The following TMEM232 variants were observed in gnomAD, a reference collection of about 807,000 sequenced individuals.
TMEM232 encodes transmembrane protein 232.
A neutral mutation model predicts 78.8 loss-of-function variants in TMEM232; 80 were observed. The ratio of observed to expected loss-of-function variants is 1.01; its 90% CI spans 0.85 to 1.22. The LOEUF (loss-of-function observed/expected upper bound fraction) is 1.22, where lower values mean the gene tolerates loss of function less well. TMEM232 is among the 50% of genes most tolerant of loss of function. The pLI is 0.00. For synonymous variants in TMEM232, 297 were observed against 254.3 expected, an observed-to-expected ratio of 1.17 and a Z score of -1.60; for missense variants, 881 against 742.2, an observed-to-expected ratio of 1.19 and a Z score of -2.17.
chr5:110,593,774 T>C (rs1433968346), intron 10 of TMEM232, among the ~76,000 whole-genome samples: 1 of 152,154 alleles, frequency 6.6e-6, no homozygotes, highest in African/African-American at 2.4e-5. Flanking sequence ...AGAGTGCCTA[T>C]AGTCAATAAT....
At chr5:110,639,492 T>C (rs1436915054) in intron 4 of TMEM232, among the ~76,000 whole-genome samples, 2 of 152,198 alleles carry the variant, frequency 1.3e-5, no homozygotes, top group East Asian at 3.9e-4. Context: ...ATTTCTTTCA[T>C]CTTCTAGTTC....
chr5:110,738,010 T>C, exon 1 of TMEM232: 1 of 223,846 alleles, frequency 4.5e-6, no homozygotes, highest in Admixed American at 5.5e-5. Flanking sequence ...CCATAAAAAA[T>C]AAAAAGTGAT....
intron 12 of TMEM232, among the ~76,000 whole-genome samples, chr5:110,470,283 G>C (rs1338270799): frequency 6.6e-6 from 1 of 152,092 alleles, no homozygotes; most frequent in African/African-American, 2.4e-5. Flanking sequence ...TGTTCCCTGG[G>C]CACAAGCGCT....
chr5:110,513,652 T>C (rs928427646), intron 12 of TMEM232, among the ~76,000 whole-genome samples: 1 of 152,076 alleles, frequency 6.6e-6, no homozygotes, highest in Non-Finnish European at 1.5e-5. Flanking sequence ...AACTCATACT[T>C]GTCAAGATGC....
intron 11 of TMEM232, among the ~76,000 whole-genome samples, chr5:110,546,956 C>CAA (rs201099717): frequency 3.5e-5 from 5 of 143,084 alleles, no homozygotes; most frequent in African/African-American, 1.3e-4. Flanking sequence ...ACGATACTAC[C>CAA]AAAAAAAAAG....
At chr5:110,679,427 C>G (rs1014364234) in intron 1 of TMEM232, among the ~76,000 whole-genome samples, 3 of 152,054 alleles carry the variant, frequency 2.0e-5, no homozygotes, top group African/African-American at 7.2e-5. Context: ...TGAATAACAT[C>G]TTTTATCGAA....
intron 12 of TMEM232, among the ~76,000 whole-genome samples, chr5:110,524,632 G>A (rs1770298580): frequency 4.6e-5 from 7 of 152,114 alleles, no homozygotes; most frequent in Admixed American, 3.9e-4. Flanking sequence ...CTGTTGGGTC[G>A]AAGGAATATC....
intron 1 of TMEM232, among the ~76,000 whole-genome samples, chr5:110,706,070 T>C (rs1033055199): frequency 5.3e-5 from 8 of 151,936 alleles, no homozygotes; most frequent in African/African-American, 1.9e-4. Flanking sequence ...AGGAAAAAAA[T>C]AACACTTATA....
chr5:110,499,548 G>C (rs1053867598), intron 12 of TMEM232, among the ~76,000 whole-genome samples: 2 of 151,762 alleles, frequency 1.3e-5, no homozygotes, highest in Non-Finnish European at 2.9e-5. Context: ...GAGCCATCAC[G>C]CCTGGCCAAG....
chr5:110,487,082 A>C (rs988214368), intron 12 of TMEM232, among the ~76,000 whole-genome samples: 8 of 151,914 alleles, frequency 5.3e-5, no homozygotes, highest in Admixed American at 5.3e-4. Flanking sequence ...ATTGTAAAGA[A>C]GACTGAGTTC....
At chr5:110,581,161 C>T (rs1778163704) in intron 10 of TMEM232, among the ~76,000 whole-genome samples, 1 of 151,256 alleles carries the variant, frequency 6.6e-6, no homozygotes, top group African/African-American at 2.4e-5. Flanking sequence ...AGAAAAAAAA[C>T]ACAATTCTAA....
chr5:110,679,188 G>A (rs116714807), intron 1 of TMEM232, among the ~76,000 whole-genome samples: 4 of 152,124 alleles, frequency 2.6e-5, no homozygotes, highest in Non-Finnish European at 4.4e-5. Flanking sequence ...TTGCCCGGAC[G>A]TGGTGTTGTC....
intron 12 of TMEM232, among the ~76,000 whole-genome samples, chr5:110,446,575 G>A (rs1759672732): frequency 6.6e-6 from 1 of 152,082 alleles, no homozygotes; most frequent in Admixed American, 6.6e-5. Flanking sequence ...GCCTCTGAGT[G>A]ACTCCACTGT....
In TMEM232 at chr5:110,646,887, T is replaced by C. The variant is rs1021734360; in HGVS notation, c.126-4516A>G. Among the ~76,000 whole-genome samples, 3 of 151,710 alleles carry C rather than the reference T, an allele frequency of 2.0e-5. No individual in the cohort carries two copies. The South Asian group carries it at 6.2e-4, about 31-fold the overall frequency. ...AAAATGTACAGAGGACCTGAATCGA[T>C]ATTTCTCAAAAGACCACATACAGAT... On this transcript the variant is annotated intron_variant, in intron 2 of 13. Coordinates refer to ENST00000455884, the MANE Select transcript of TMEM232 (RefSeq NM_001039763.4).
chr5:110,429,096 AG>A, intron 12 of TMEM232, among the ~76,000 whole-genome samples: 1 of 151,928 alleles, frequency 6.6e-6, no homozygotes, highest in Non-Finnish European at 1.5e-5. Context: ...AAGAAGAAAA[AG>A]CTTAGATTCT....
intron 2 of TMEM232, among the ~76,000 whole-genome samples, chr5:110,647,919 T>G (rs541058674): frequency 1.4e-4 from 22 of 152,142 alleles, no homozygotes; most frequent in African/African-American, 5.1e-4. Flanking sequence ...TATAAATACA[T>G]TTATACATAT....
chr5:110,610,619 G>A (rs1488529604), intron 8 of TMEM232: 2 of 440,498 alleles, frequency 4.5e-6, no homozygotes, highest in East Asian at 7.0e-5. Flanking sequence ...GACAAGAAAG[G>A]GTGCCAGTTA....
intron 12 of TMEM232, among the ~76,000 whole-genome samples, chr5:110,446,443 T>C (rs903204479): frequency 6.6e-6 from 1 of 152,170 alleles, no homozygotes; most frequent in Non-Finnish European, 1.5e-5. Context: ...GTGGCAGCGA[T>C]TATGAAAGAT....
intron 12 of TMEM232, among the ~76,000 whole-genome samples, chr5:110,435,701 C>T (rs750447452): frequency 6.6e-6 from 1 of 151,854 alleles, no homozygotes; most frequent in African/African-American, 2.4e-5. Context: ...TGAGTGAGAA[C>T]ATGTGATGTT....
Sources: gnomAD v4.1 joint callset for allele counts (sites outside exome capture counted in the v4.1 genomes callset) on GRCh38, gnomAD v4.1.1 for gene constraint, MANE v1.5 for transcripts, NCBI Gene and HGNC (gene_info 2026-07-23, HGNC 2026-07-21) for gene names.